The following LRIG1 variants were observed in gnomAD, a reference collection of about 807,000 sequenced individuals.
LRIG1 encodes the protein leucine-rich repeats and immunoglobulin-like domains protein 1.
Under a neutral mutation model 99.2 loss-of-function variants are expected in LRIG1, and 48 were observed. That is an observed-to-expected ratio of 0.48 (90% confidence interval 0.38 to 0.62). The LOEUF is 0.62. Among genes scored for constraint, LRIG1 ranks in the 20% least tolerant of loss-of-function variants. LRIG1 has a pLI of 0.00. For missense variants in LRIG1, 1,646 were observed against 1,434.4 expected (o/e 1.15, Z -2.38); for synonymous variants, 772 against 596.1 (o/e 1.29, Z -4.30).
At chr3:66,448,309 G>C (rs946651711) in intron 3 of LRIG1, among the ~76,000 whole-genome samples, 1 of 152,204 alleles carries the variant, frequency 6.6e-6, no homozygotes, top group African/African-American at 2.4e-5. Context: ...CTGGTGTCTG[G>C]AAGTCGGCTC....
In LRIG1 at chr3:66,410,227, G is replaced by C; in HGVS notation, c.837C>G (p.Leu279=). ...NSLVEVNSGS[L]YGLTALHQLH... is the part of the protein sequence containing the mutation. ...GCTGATGCAGGGCCGTGAGGCCGTA[G>C]AGCGAGCCGCTGTTCACTTCTACCA... Residue 279 remains leucine (L), a synonymous_variant, in exon 7 of 19, where the codon CTC becomes CTG. Coordinates refer to ENST00000273261, the MANE Select transcript of LRIG1 (RefSeq NM_015541.3). 4 of 1,613,968 alleles carry C rather than the reference G, an allele frequency of 2.5e-6. No individual in the cohort carries two copies. Among genetic ancestry groups the C allele is most frequent in the Admixed American group, 1.7e-5 (1 of 59,988 alleles).
chr3:66,437,006 G>C (rs1284027106), intron 3 of LRIG1, among the ~76,000 whole-genome samples: 1 of 152,212 alleles, frequency 6.6e-6, no homozygotes, highest in African/African-American at 2.4e-5. Flanking sequence ...TGAACACAGA[G>C]CACTCTTTTC....
intron 14 of LRIG1, 125 bp downstream of exon 14, chr3:66,383,866 C>A: frequency 7.2e-7 from 1 of 1,380,386 alleles, no homozygotes; most frequent in South Asian, 1.6e-5. Flanking sequence ...AAAAGCAGCC[C>A]CAAATTTCAA....
chr3:66,409,645 T>G (rs1702399676), intron 7 of LRIG1: 1 of 156,174 alleles, frequency 6.4e-6, no homozygotes, highest in Middle Eastern at 3.4e-3. Flanking sequence ...GGAAGGAAGG[T>G]GGCGACTCCG....
At chr3:66,392,493 T>A (rs1701660328) in intron 12 of LRIG1, among the ~76,000 whole-genome samples, 1 of 152,030 alleles carries the variant, frequency 6.6e-6, no homozygotes. Flanking sequence ...GGATGTGGAG[T>A]GCTTATGTTT....
At chr3:66,420,537 C>T (rs1219974663) in intron 3 of LRIG1, among the ~76,000 whole-genome samples, 2 of 152,232 alleles carry the variant, frequency 1.3e-5, no homozygotes, top group African/African-American at 4.8e-5. Context: ...TCACTCACCA[C>T]AGCCAAAGGT....
chr3:66,463,043 G>T (rs1353726138), intron 1 of LRIG1, among the ~76,000 whole-genome samples: 1 of 152,100 alleles, frequency 6.6e-6, no homozygotes, highest in Admixed American at 6.6e-5. Flanking sequence ...GGCAGGGAGT[G>T]GGGGGTGTTA....
chr3:66,415,159 T>C, intron 4 of LRIG1, 96 bp from the exon 5 acceptor site: 3 of 1,310,528 alleles, frequency 2.3e-6, no homozygotes, highest in Non-Finnish European at 3.1e-6. Flanking sequence ...GTTGGGAAGA[T>C]GAGTTAAGAC....
At chr3:66,497,810 A>G (rs1221785519) in intron 1 of LRIG1, among the ~76,000 whole-genome samples, 1 of 151,108 alleles carries the variant, frequency 6.6e-6, no homozygotes, top group African/African-American at 2.4e-5. Context: ...AATCCAGTTC[A>G]TGGGTTTATA....
intron 7 of LRIG1, 71 bp downstream of exon 7, chr3:66,410,058 C>G: frequency 6.7e-7 from 1 of 1,500,862 alleles, no homozygotes; most frequent in African/African-American, 1.4e-5. Flanking sequence ...GTGGAACGAA[C>G]CAGGCCTAGC....
chr3:66,453,274 T>C (rs1404361015), intron 2 of LRIG1, among the ~76,000 whole-genome samples: 1 of 152,162 alleles, frequency 6.6e-6, no homozygotes, highest in Non-Finnish European at 1.5e-5. Flanking sequence ...ACAGAGAATG[T>C]TAGTAACAAA....
intron 12 of LRIG1, among the ~76,000 whole-genome samples, chr3:66,390,903 CACA>C (rs1248665281): frequency 2.6e-5 from 4 of 152,078 alleles, no homozygotes; most frequent in African/African-American, 9.7e-5. Context: ...AAAATATTGG[CACA>C]ACATGTATCT....
At chr3:66,465,369 T>G (rs2106848039) in intron 1 of LRIG1, among the ~76,000 whole-genome samples, 1 of 143,830 alleles carries the variant, frequency 7.0e-6, no homozygotes, top group African/African-American at 2.6e-5. Flanking sequence ...TTTTTTTTTT[T>G]TTTTTTTTTT....
At chr3:66,458,451 C>T (rs1214802739) in intron 2 of LRIG1, among the ~76,000 whole-genome samples, 3 of 152,192 alleles carry the variant, frequency 2.0e-5, no homozygotes, top group Non-Finnish European at 4.4e-5. Context: ...ACCTGTAATC[C>T]CAGCACACTG....
chr3:66,469,594 T>C (rs536791389), intron 1 of LRIG1, among the ~76,000 whole-genome samples: 1 of 152,288 alleles, frequency 6.6e-6, no homozygotes, highest in South Asian at 2.1e-4. Context: ...AGTTCACACA[T>C]GTCATCCTGG....
chr3:66,407,218 G>T, intron 8 of LRIG1, 130 bp downstream of exon 8: 2 of 956,284 alleles, frequency 2.1e-6, no homozygotes, highest in Non-Finnish European at 3.2e-6. Flanking sequence ...TCTGCACATA[G>T]AGCAAGCCAG....
Position 66,465,721 on chromosome 3 carries a change from A to C in LRIG1, c.219-3212T>G, listed in dbSNP as rs544777535. Reference sequence around the variant, plus strand: ...CATATAACATAAAATTTGCCTTTGTAACCATTTTTAAGTGTACTCTTCAGT... The same window carrying C: ...CATATAACATAAAATTTGCCTTTGTCACCATTTTTAAGTGTACTCTTCAGT... On this transcript the variant is annotated intron_variant, in intron 1 of 18. Transcript: ENST00000273261. Among the ~76,000 whole-genome samples, 3 of 152,170 alleles carry C rather than the reference A, an allele frequency of 2.0e-5. No individual in the cohort carries two copies. The South Asian group carries it at 6.2e-4, about 32-fold the overall frequency.
intron 9 of LRIG1, among the ~76,000 whole-genome samples, 159 bp downstream of exon 9, chr3:66,405,039 C>G (rs184906262): frequency 1.8e-3 from 274 of 152,326 alleles, no homozygotes; most frequent in Non-Finnish European, 3.0e-3. Flanking sequence ...CTTCTTCAAA[C>G]TCTTCTCCAC....
chr3:66,405,966 T>G, intron 8 of LRIG1: 1 of 995,736 alleles, frequency 1.0e-6, no homozygotes, highest in Non-Finnish European at 1.2e-6. Flanking sequence ...CAGGTCACAG[T>G]GCCCAGGCGA....
Sources: gnomAD v4.1 joint callset for allele counts (sites outside exome capture counted in the v4.1 genomes callset) on GRCh38, gnomAD v4.1.1 for gene constraint, MANE v1.5 for transcripts, NCBI Gene and HGNC (gene_info 2026-07-23, HGNC 2026-07-21) for gene names.